Variants in CDH19 observed in about 807,000 individuals in gnomAD.
CDH19 encodes cadherin 19, also known as cadherin-19.
In CDH19, 67 loss-of-function variants were observed where a neutral mutation model predicts 64.2. The observed-to-expected ratio is 1.04, with a 90% CI of 0.86 to 1.28. CDH19 has a LOEUF of 1.28. Among genes scored for constraint, CDH19 ranks in the 50% most tolerant of loss-of-function variants. CDH19 has a pLI of 0.00. For synonymous variants in CDH19, 346 were observed against 319.3 expected (o/e 1.08, Z -0.89); for missense variants, 1,030 against 929.0 (o/e 1.11, Z -1.41).
intron 9 of CDH19, among the ~76,000 whole-genome samples, chr18:66,526,270 C>A (rs1330655730): frequency 6.6e-6 from 1 of 152,044 alleles, no homozygotes; most frequent in African/African-American, 2.4e-5. Flanking sequence ...CATATATGTA[C>A]ATTTATAAAA....
At chr18:66,525,496 A>T (rs1986187149) in intron 9 of CDH19, among the ~76,000 whole-genome samples, 1 of 152,084 alleles carries the variant, frequency 6.6e-6, no homozygotes, top group African/African-American at 2.4e-5. Flanking sequence ...GTTTGGTTTT[A>T]ATTGTATTAA....
At chr18:66,536,474 T>A (rs1986675354) in intron 7 of CDH19, among the ~76,000 whole-genome samples, 1 of 151,804 alleles carries the variant, frequency 6.6e-6, no homozygotes. Context: ...ACAGTTGTTA[T>A]TTTGAATTAA....
chr18:66,550,404 C>A (rs552925902), intron 5 of CDH19, among the ~76,000 whole-genome samples: 1 of 152,196 alleles, frequency 6.6e-6, no homozygotes, highest in Admixed American at 6.5e-5. Flanking sequence ...AAGGACCCCA[C>A]AAAGATATCT....
At chr18:66,548,485 G>A (rs1475754460) in intron 5 of CDH19, among the ~76,000 whole-genome samples, 2 of 88,298 alleles carry the variant, frequency 2.3e-5, no homozygotes, top group Non-Finnish European at 4.3e-5. Flanking sequence ...GAAGTTTAAA[G>A]TATACAAAGA....
chr18:66,570,713 A>T (rs1988073952), intron 2 of CDH19, among the ~76,000 whole-genome samples: 1 of 151,692 alleles, frequency 6.6e-6, no homozygotes, highest in Admixed American at 6.6e-5. Context: ...TTTCATAAAT[A>T]TGTCTCTGAA....
intron 9 of CDH19, among the ~76,000 whole-genome samples, chr18:66,515,408 AACAGGCAGAGT>A (rs1475150474): frequency 6.6e-6 from 1 of 151,864 alleles, no homozygotes; most frequent in Non-Finnish European, 1.5e-5. Context: ...CATCTGTTCA[AACAGGCAGAGT>A]ACAAAATAAT....
rs575474021 is a variant in CDH19 at position 66,582,227 on chromosome 18, C to T, written c.-112-9911G>A. Among the ~76,000 whole-genome samples, 3 of 151,934 alleles carry T rather than the reference C, an allele frequency of 2.0e-5. No homozygotes were observed. The South Asian group carries it at 6.2e-4, about 32-fold the overall frequency. On this transcript the variant is annotated intron_variant, in intron 1 of 11. Coordinates refer to ENST00000262150, the MANE Select transcript of CDH19 (RefSeq NM_021153.4). ...AATTTTTCCCCTTGTTCTAAAGATT[C>T]TTGAGGTCAAGTAAAAAAAATAAGT...
intron 10 of CDH19, among the ~76,000 whole-genome samples, chr18:66,509,693 G>A (rs1985378722): frequency 6.6e-6 from 1 of 151,630 alleles, no homozygotes; most frequent in Non-Finnish European, 1.5e-5. Context: ...GGCTTTATTT[G>A]TGTTAATTAC....
rs1987012701 is a variant in CDH19, at chr18:66,544,205, T to A, written c.980A>T (p.Gln327Leu). 4 of 1,613,040 alleles carry A rather than the reference T, an allele frequency of 2.5e-6. No homozygotes were observed. The highest frequency in any genetic ancestry group is 3.4e-6 in the Non-Finnish European group (4 of 1,179,524). ...TTTTGCTCTAATACCGTAGTGGTTC[T>A]GGTGCTCAAAATCCACTTTCTGCAA... ...ILKKKVDFEH[Q>L]NHYGIRAKVK... Residue 327 changes from glutamine (Q) to leucine (L), a missense_variant, in exon 7 of 12, where the codon CAG (glutamine) becomes CTG (leucine). Coordinates refer to ENST00000262150, the MANE Select transcript of CDH19 (RefSeq NM_021153.4).
At chr18:66,592,779 T>A (rs936416413) in intron 1 of CDH19, among the ~76,000 whole-genome samples, 8 of 151,900 alleles carry the variant, frequency 5.3e-5, no homozygotes, top group Admixed American at 5.2e-4. Context: ...TATTTATTCT[T>A]TTATTTCTTG....
rs58115682 is a variant in CDH19 at position 66,510,583 on chromosome 18, AAATAATAATAAT to A, written c.1576+973_1576+984del. On this transcript the variant is annotated intron_variant, in intron 10 of 11. Coordinates refer to ENST00000262150, the MANE Select transcript of CDH19 (RefSeq NM_021153.4). The stretch of plus-strand genomic sequence containing the variant: ...ATAAAATAACGTTGAAGTCTGCAAC[AAATAATAATAAT>A]AATAATAATAATAATAATAATAATA... Among the ~76,000 whole-genome samples, 740 of 139,340 alleles carry A rather than the reference AAATAATAATAAT, an allele frequency of 5.3e-3. 4 individuals are homozygous for A. The highest frequency in any genetic ancestry group is 0.016 in the African/African-American group (631 of 38,346). 91.4% of individuals were successfully genotyped at this position (139,340 alleles called of 152,430 possible). A position where few individuals can be genotyped will look rare whatever the true frequency, so the allele number is the denominator to read the frequency against.
intron 3 of CDH19, among the ~76,000 whole-genome samples, chr18:66,563,526 G>A (rs1366325139): frequency 6.6e-6 from 1 of 151,966 alleles, no homozygotes; most frequent in Non-Finnish European, 1.5e-5. Context: ...CTCTGCATAT[G>A]TAATTTCTGC....
At chr18:66,599,067 T>C (rs35244960) in intron 1 of CDH19, among the ~76,000 whole-genome samples, 1 of 152,220 alleles carries the variant, frequency 6.6e-6, no homozygotes, top group East Asian at 1.9e-4. Flanking sequence ...GTATCACTTG[T>C]TTTATATTTA....
intron 7 of CDH19, among the ~76,000 whole-genome samples, chr18:66,535,936 T>C (rs1986651290): frequency 6.8e-6 from 1 of 146,694 alleles, no homozygotes; most frequent in South Asian, 2.1e-4. Flanking sequence ...GTTTTATATA[T>C]ATACACACAT....
At chr18:66,513,419 T>C (rs781005223) in intron 9 of CDH19, among the ~76,000 whole-genome samples, 2 of 151,500 alleles carry the variant, frequency 1.3e-5, no homozygotes, top group African/African-American at 2.4e-5. Flanking sequence ...AAGATATGTT[T>C]TACTGGCTTT....
chr18:66,588,161 C>G (rs57707368), intron 1 of CDH19, among the ~76,000 whole-genome samples: 51,218 of 151,830 alleles, frequency 0.34, 10,057 homozygotes, highest in Non-Finnish European at 0.45. Context: ...GTGCACATCA[C>G]GCTGGTTGTT....
rs2144324103 is a variant in CDH19, at chr18:66,504,979, G to A, written c.2152C>T (p.Leu718Phe). The change falls in exon 12 of 12, where the codon CTC (leucine) becomes TTC (phenylalanine). Residue 718 changes from leucine to phenylalanine, a missense_variant. By Grantham distance (22) the Leu-to-Phe change is conservative. Transcript: ENST00000262150. ...GTTCCCTCAAAAGCGTAGGTCTGGA[G>A]GGAATCAAAAGGAGGGGCACACGGA... ...TDPCAPPFDS[L>F]QTYAFEGTGS... 1.2e-6 allele frequency: 2 copies of A among 1,613,558 alleles called. No homozygotes were observed. The highest frequency in any genetic ancestry group is 1.7e-6 in the Non-Finnish European group (2 of 1,179,736).
At position 66,551,278 on chromosome 18, in the gene CDH19, T is replaced by C. The variant is rs754489211; in HGVS notation, c.611-20A>G. 1.7e-6 allele frequency: 2 copies of C among 1,171,242 alleles called. No individual in the cohort carries two copies. Among genetic ancestry groups the C allele is most frequent in the South Asian group, 1.3e-5 (1 of 77,340 alleles). 72.6% of individuals were successfully genotyped at this position (1,171,242 alleles called of 1,614,324 possible). A position where few individuals can be genotyped will look rare whatever the true frequency, so the allele number is the denominator to read the frequency against. On this transcript the variant is annotated intron_variant, in intron 4 of 11. Coordinates refer to ENST00000262150, the MANE Select transcript of CDH19 (RefSeq NM_021153.4). Reference sequence around the variant, plus strand: ...TGACTCCTTTAAAAATATAATAAAATTCCAATTATTTCATTATTAATCATG... The same window carrying C: ...TGACTCCTTTAAAAATATAATAAAACTCCAATTATTTCATTATTAATCATG...
chr18:66,602,269 A>G (rs1220346906), intron 1 of CDH19, among the ~76,000 whole-genome samples: 1 of 151,964 alleles, frequency 6.6e-6, no homozygotes, highest in Non-Finnish European at 1.5e-5. Flanking sequence ...TATATTTAAG[A>G]GTACATGCTA....
Sources: allele counts gnomAD v4.1 joint callset (sites outside exome capture counted in the v4.1 genomes callset), GRCh38; gene constraint gnomAD v4.1.1; transcripts MANE v1.5; gene names NCBI Gene and HGNC (gene_info 2026-07-23, HGNC 2026-07-21).